The following COL27A1 variants were observed in gnomAD, a reference collection of about 807,000 sequenced individuals.
COL27A1 encodes collagen alpha-1(XXVII) chain.
In COL27A1, 106 loss-of-function variants were observed where a neutral mutation model predicts 251.3. The ratio of observed to expected loss-of-function variants is 0.42; its 90% CI spans 0.36 to 0.50. COL27A1 has a LOEUF of 0.50. COL27A1 is among the 20% of genes least tolerant of loss of function. The probability of loss-of-function intolerance (pLI) is 0.00; values close to 1 mark genes in which losing one functional copy is unlikely to be tolerated. For missense variants in COL27A1, 2,325 were observed against 2,522.8 expected (o/e 0.92, Z 1.68); for synonymous variants, 1,000 against 986.3 (o/e 1.01, Z -0.26).
chr9:114,214,393 T>C (rs1175001384), intron 12 of COL27A1, among the ~76,000 whole-genome samples: 1 of 152,192 alleles, frequency 6.6e-6, no homozygotes, highest in South Asian at 2.1e-4. Context: ...TTTGCTGTAG[T>C]CAGTCTTTCC....
At chr9:114,236,663 T>C (rs950813002) in intron 17 of COL27A1, among the ~76,000 whole-genome samples, 1 of 152,134 alleles carries the variant, frequency 6.6e-6, no homozygotes, top group African/African-American at 2.4e-5. Context: ...GCCTGGCTCT[T>C]CCCTACTGGA....
intron 19 of COL27A1, among the ~76,000 whole-genome samples, chr9:114,239,473 AGGAG>A (rs1173890910): frequency 6.6e-6 from 1 of 152,232 alleles, no homozygotes; most frequent in Non-Finnish European, 1.5e-5. Flanking sequence ...AGGGTCACAC[AGGAG>A]GAGGGCAGGG....
intron 58 of COL27A1, chr9:114,306,905 G>T: frequency 1.8e-6 from 1 of 553,038 alleles, no homozygotes; most frequent in Non-Finnish European, 3.1e-6. Flanking sequence ...AAGAGCTCTG[G>T]CAGAAAAAGC....
intron 59 of COL27A1, 46 bp from the exon 60 acceptor site, chr9:114,309,214 G>A (rs374420759): frequency 4.5e-6 from 7 of 1,551,320 alleles, no homozygotes; most frequent in East Asian, 4.5e-5. Context: ...GGTGTGGGGG[G>A]TGTGGGGGGC....
chr9:114,288,028 G>A (rs1317019726), intron 41 of COL27A1, among the ~76,000 whole-genome samples: 1 of 152,140 alleles, frequency 6.6e-6, no homozygotes, highest in Non-Finnish European at 1.5e-5. Flanking sequence ...TCATTCCACG[G>A]AGTCCTCACC....
chr9:114,186,432 G>C (rs542838434), intron 5 of COL27A1, among the ~76,000 whole-genome samples: 47 of 152,338 alleles, frequency 3.1e-4, no homozygotes, highest in African/African-American at 1.0e-3. Flanking sequence ...AGAGGTGAGC[G>C]AGAAAGCAAA....
At chr9:114,190,296 G>A (rs73562509) in intron 5 of COL27A1, among the ~76,000 whole-genome samples, 5,310 of 152,262 alleles carry the variant, frequency 0.035, 328 homozygotes, top group African/African-American at 0.12. Context: ...GTTTGAGACA[G>A]GGTCTTGGTC....
chr9:114,210,654 G>A (rs1437078185), intron 11 of COL27A1, among the ~76,000 whole-genome samples: 2 of 151,630 alleles, frequency 1.3e-5, no homozygotes, highest in Non-Finnish European at 1.5e-5. Flanking sequence ...CTTCCTCCCC[G>A]CCCCCTCCCA....
At chr9:114,237,757 A>ACTCGGT (rs764587839) in intron 19 of COL27A1, 42 bp downstream of exon 19, 1 of 1,562,898 alleles carries the variant, frequency 6.4e-7, no homozygotes, top group East Asian at 2.2e-5. Flanking sequence ...TGCTGCTGGG[A>ACTCGGT]CTCGGTCTTG....
intron 5 of COL27A1, among the ~76,000 whole-genome samples, chr9:114,187,335 A>G (rs1190929307): frequency 6.6e-6 from 1 of 152,242 alleles, no homozygotes; most frequent in African/African-American, 2.4e-5. Flanking sequence ...GAAGTCCAGA[A>G]GATGTCAAGA....
At chr9:114,269,831 T>G (rs2491426) in intron 35 of COL27A1, among the ~76,000 whole-genome samples, 6 of 151,938 alleles carry the variant, frequency 3.9e-5, no homozygotes, top group South Asian at 4.2e-4. Context: ...AAGAGGAGCA[T>G]GGACCACCCA....
intron 49 of COL27A1, among the ~76,000 whole-genome samples, chr9:114,292,873 A>G (rs1051354734): frequency 6.6e-6 from 1 of 152,264 alleles, no homozygotes; most frequent in Non-Finnish European, 1.5e-5. Flanking sequence ...CATAATGACA[A>G]AGAAGCCAAC....
At chr9:114,210,535 A>T (rs1203859843) in intron 11 of COL27A1, among the ~76,000 whole-genome samples, 1 of 152,112 alleles carries the variant, frequency 6.6e-6, no homozygotes, top group Non-Finnish European at 1.5e-5. Context: ...GTCCTTCCAG[A>T]CCAAGTATCT....
At chr9:114,214,273 G>T (rs1218062110) in intron 12 of COL27A1, among the ~76,000 whole-genome samples, 2 of 152,148 alleles carry the variant, frequency 1.3e-5, no homozygotes, top group Non-Finnish European at 2.9e-5. Flanking sequence ...CAAGCTTTAG[G>T]CCAGACAGTT....
intron 14 of COL27A1, among the ~76,000 whole-genome samples, chr9:114,229,515 G>A (rs944460854): frequency 2.6e-5 from 4 of 152,048 alleles, no homozygotes; most frequent in African/African-American, 7.2e-5. Context: ...CTGGCTACTG[G>A]GGCAGCCTTT....
chr9:114,184,939 C>T (rs1338980054), intron 5 of COL27A1, among the ~76,000 whole-genome samples: 1 of 152,176 alleles, frequency 6.6e-6, no homozygotes, highest in African/African-American at 2.4e-5. Context: ...TCCTGGCCTG[C>T]TCTGGGACCA....
At chr9:114,176,292 TC>T (rs1349129471) in intron 3 of COL27A1, among the ~76,000 whole-genome samples, 1 of 152,210 alleles carries the variant, frequency 6.6e-6, no homozygotes, top group Non-Finnish European at 1.5e-5. Context: ...TCTTTTGCTG[TC>T]CCCTAGAAAC....
Position 114,267,506 on chromosome 9 carries a change from G to A in COL27A1, c.3450G>A (p.Gly1150=). 1 of 1,598,476 alleles carries A rather than the reference G, an allele frequency of 6.3e-7. No homozygotes were observed. Among genetic ancestry groups the A allele is most frequent in the Non-Finnish European group, 8.5e-7 (1 of 1,175,012 alleles). The change falls in exon 34 of 61, where the codon GGG becomes GGA. Residue 1150 remains glycine, a splice_region_variant and synonymous_variant. Coordinates refer to ENST00000356083, the MANE Select transcript of COL27A1 (RefSeq NM_032888.4). The part of the protein sequence containing the change: ...IGPPGEMGPK[G]PPGAVGEPGL... The stretch of plus-strand genomic sequence containing the variant: ...GGACCAATGGCGTTTTCTTTCAGGG[G>A]CCGCCTGGTGCAGTGGGAGAACCGG...
Position 114,169,434 on chromosome 9 carries a change from C to T in COL27A1, c.1879C>T (p.Pro627Ser), listed in dbSNP as rs745882834. The T allele has an allele frequency of 2.4e-5, 37 of 1,562,470 alleles. No individual in the cohort carries two copies. The highest frequency in any genetic ancestry group is 3.1e-5 in the Non-Finnish European group (36 of 1,155,826). Residue 627 changes from proline to serine, a missense_variant, in exon 3 of 61, where the codon CCG becomes TCG. By Grantham distance (74) the Pro-to-Ser change is moderately conservative. Around this residue, in one of 4 missense-constraint regions of COL27A1, gnomAD observed 1,183 missense variants for 1,144.1 expected, o/e 1.03. Transcript: ENST00000356083. The part of the protein sequence containing the change: ...STPFPLLMGP[P>S]GPKGDCGLPG... ...GCCTTTCCCTCTGCTGATGGGGCCT[C>T]CGGGACCCAAGGGAGACTGTGGCTT... is the stretch of plus-strand genomic sequence containing the variant.
Sources: allele counts gnomAD v4.1 joint callset (sites outside exome capture counted in the v4.1 genomes callset), GRCh38; gene constraint gnomAD v4.1.1; regional missense constraint gnomAD v4.1.1; transcripts MANE v1.5; gene names NCBI Gene and HGNC (gene_info 2026-07-23, HGNC 2026-07-21).